The following THSD7A variants were observed in gnomAD, a reference collection of about 807,000 sequenced individuals.
THSD7A encodes thrombospondin type-1 domain-containing protein 7A.
In THSD7A, 96 loss-of-function variants were observed where a neutral mutation model predicts 231.3. The observed-to-expected ratio is 0.41, with a 90% CI of 0.35 to 0.49. The LOEUF (loss-of-function observed/expected upper bound fraction) is 0.49. THSD7A is among the 20% of genes least tolerant of loss of function. The probability of loss-of-function intolerance (pLI) is 0.05; values close to 1 mark genes in which losing one functional copy is unlikely to be tolerated. For synonymous variants in THSD7A, 940 were observed against 743.3 expected (o/e 1.26, Z -4.30); for missense variants, 2,290 against 2,070.2 (o/e 1.11, Z -2.06).
intron 22 of THSD7A, among the ~76,000 whole-genome samples, chr7:11,402,970 T>C (rs1289841306): frequency 1.3e-5 from 2 of 152,220 alleles, no homozygotes; most frequent in African/African-American, 2.4e-5. Context: ...GGTATGTACC[T>C]AGGAGTGCAA....
At position 11,452,948 on chromosome 7, in the gene THSD7A, T is replaced by G. The variant is rs182149879; in HGVS notation, c.2606-5524A>C. On this transcript the variant is annotated intron_variant, in intron 11 of 27. Coordinates refer to ENST00000423059, the MANE Select transcript of THSD7A (RefSeq NM_015204.3). ...TATCAGCCAAAAAAGAGATTAAAAA[T>G]TACGTCTGTATAAAATTTCCTTAAA... Among the ~76,000 whole-genome samples the G allele has an allele frequency of 6.4e-4, 97 of 152,082 alleles. 1 individual carries two copies. In the East Asian group the frequency reaches 0.017, roughly 26 times the overall value.
chr7:11,650,575 AG>A (rs1282909360), intron 1 of THSD7A, among the ~76,000 whole-genome samples: 2 of 152,018 alleles, frequency 1.3e-5, no homozygotes, highest in African/African-American at 4.8e-5. Context: ...GTTGTGCACA[AG>A]TGAGTGCTGA....
intron 2 of THSD7A, among the ~76,000 whole-genome samples, chr7:11,625,485 C>A (rs866927850): frequency 7.9e-5 from 12 of 151,912 alleles, no homozygotes; most frequent in Non-Finnish European, 1.0e-4. Context: ...CATATTTGTA[C>A]TAAGTAGAGA....
At position 11,590,502 on chromosome 7, in the gene THSD7A, C is replaced by T. The variant is rs770834772; in HGVS notation, c.1411G>A (p.Glu471Lys). The part of the protein sequence containing the change: ...TREVYCVQAN[E>K]NLLSQLSTHK... ...GTACTTAATTGTGAGAGGAGGTTTT[C>T]GTTGGCCTGCACGCAGTACACCTCT... The change falls in exon 4 of 28, where the codon GAA becomes AAA. Residue 471 changes from glutamate (E) to lysine (K), a missense_variant. Physicochemically the swap from Glu to Lys is moderately conservative, Grantham distance 56. Coordinates refer to ENST00000423059, the MANE Select transcript of THSD7A (RefSeq NM_015204.3). The surrounding 1 kb of genome is among the most constrained non-coding windows in gnomAD (Gnocchi z 4.4). 5 of 1,612,812 alleles carry T rather than the reference C, an allele frequency of 3.1e-6. No individual in the cohort carries two copies. Among genetic ancestry groups the T allele is most frequent in the Non-Finnish European group, 4.2e-6 (5 of 1,179,556 alleles).
intron 1 of THSD7A, chr7:11,750,993 C>G (rs552660148): frequency 6.6e-6 from 1 of 151,980 alleles, no homozygotes; most frequent in African/African-American, 2.4e-5. Flanking sequence ...CATTAGATGA[C>G]AAAGGCGGGT....
intron 6 of THSD7A, among the ~76,000 whole-genome samples, chr7:11,482,481 C>A (rs921076040): frequency 6.6e-6 from 1 of 152,270 alleles, no homozygotes; most frequent in East Asian, 1.9e-4. Flanking sequence ...AATTGGCAAC[C>A]TTCTTCTTTC....
At chr7:11,783,835 A>G (rs1783705870) in intron 1 of THSD7A, among the ~76,000 whole-genome samples, 1 of 152,160 alleles carries the variant, frequency 6.6e-6, no homozygotes, top group African/African-American at 2.4e-5. Context: ...TACTCTTTTT[A>G]GTTGCAAAGA....
At position 11,636,180 on chromosome 7, in the gene THSD7A, C is replaced by G; in HGVS notation, c.972G>C (p.Gln324His). 1 of 1,613,986 alleles carries G rather than the reference C, an allele frequency of 6.2e-7. No homozygotes were observed. The highest frequency in any genetic ancestry group is 8.5e-7 in the Non-Finnish European group (1 of 1,179,878). ...NKYWDIQIGY[Q>H]TREVMCINKT... ...TGTTAATGCACATAACCTCTCTGGTCTGATATCCAATCTGGATGTCCCAAT... is the reference window on the plus strand; with the variant it reads ...TGTTAATGCACATAACCTCTCTGGTGTGATATCCAATCTGGATGTCCCAAT... Residue 324 changes from glutamine to histidine, a missense_variant, in exon 2 of 28, where the codon CAG (glutamine) becomes CAC (histidine). Transcript: ENST00000423059. The surrounding 1 kb of genome is among the most constrained non-coding windows in gnomAD (Gnocchi z 10.0).
chr7:11,514,896 T>C (rs1583885738), intron 6 of THSD7A, among the ~76,000 whole-genome samples: 1 of 152,158 alleles, frequency 6.6e-6, no homozygotes, highest in Non-Finnish European at 1.5e-5. Context: ...CTAATATTTG[T>C]AGGGGTGCTC....
intron 6 of THSD7A, among the ~76,000 whole-genome samples, chr7:11,508,365 T>A (rs968902423): frequency 6.6e-6 from 1 of 151,616 alleles, no homozygotes; most frequent in Admixed American, 6.6e-5. Context: ...AAAACCACAA[T>A]GAGATACCAC....
At chr7:11,450,626 G>T (rs1785113331) in intron 11 of THSD7A, among the ~76,000 whole-genome samples, 1 of 152,012 alleles carries the variant, frequency 6.6e-6, no homozygotes, top group Non-Finnish European at 1.5e-5. Context: ...CAACTTTATG[G>T]ATCTTAAAAA....
chr7:11,455,234 C>A (rs986079024), intron 11 of THSD7A, among the ~76,000 whole-genome samples: 1 of 151,990 alleles, frequency 6.6e-6, no homozygotes, highest in African/African-American at 2.4e-5. Flanking sequence ...GGCACCTTGA[C>A]CTTCACATGC....
At chr7:11,467,378 A>G (rs373932644) in intron 9 of THSD7A, among the ~76,000 whole-genome samples, 2 of 152,192 alleles carry the variant, frequency 1.3e-5, no homozygotes, top group Non-Finnish European at 2.9e-5. Context: ...GGCTGTGCAG[A>G]AGAGTTCTAT....
chr7:11,624,866 A>G (rs1006394107), intron 2 of THSD7A, among the ~76,000 whole-genome samples: 5 of 152,148 alleles, frequency 3.3e-5, no homozygotes, highest in Admixed American at 2.6e-4. Context: ...GGAACTAGGT[A>G]GTGACTACTA....
At chr7:11,740,743 A>G (rs575274002) in intron 1 of THSD7A, among the ~76,000 whole-genome samples, 1 of 151,920 alleles carries the variant, frequency 6.6e-6, no homozygotes, top group Non-Finnish European at 1.5e-5. Flanking sequence ...AGATTATGCT[A>G]TAATATGTCA....
chr7:11,683,583 T>G (rs995203152), intron 1 of THSD7A, among the ~76,000 whole-genome samples: 1 of 152,068 alleles, frequency 6.6e-6, no homozygotes, highest in South Asian at 2.1e-4. Context: ...CCTCAGATTC[T>G]ACTATGAACA....
intron 1 of THSD7A, among the ~76,000 whole-genome samples, chr7:11,683,919 C>G (rs529919633): frequency 6.6e-6 from 1 of 151,636 alleles, no homozygotes; most frequent in Non-Finnish European, 1.5e-5. Context: ...GACACAATAA[C>G]AACAACAACA....
chr7:11,769,153 A>ATATATATATATATATATATATTTTTTTT, intron 1 of THSD7A, among the ~76,000 whole-genome samples: 1 of 27,662 alleles, frequency 3.6e-5, no homozygotes, highest in Non-Finnish European at 7.0e-5. Flanking sequence ...ATATATATAT[A>ATATATATATATATATATATATTTTTTTT]TTTTTTTTTT....
chr7:11,663,185 G>T (rs755027632), intron 1 of THSD7A, among the ~76,000 whole-genome samples: 5 of 151,094 alleles, frequency 3.3e-5, no homozygotes, highest in Non-Finnish European at 5.9e-5. Context: ...CAAAAAAGGA[G>T]ATTCTTCTTT....
Sources: gnomAD v4.1 joint callset for allele counts (sites outside exome capture counted in the v4.1 genomes callset) on GRCh38, gnomAD v4.1.1 for gene constraint, Gnocchi (gnomAD v3.1) non-coding constraint, MANE v1.5 for transcripts, NCBI Gene and HGNC (gene_info 2026-07-23, HGNC 2026-07-21) for gene names.